COL28A1: variants seen among roughly 807,000 people sequenced by gnomAD.
COL28A1 encodes the protein collagen type XXVIII alpha 1 chain.
In COL28A1, 161 loss-of-function variants were observed where a neutral mutation model predicts 150.2. The ratio of observed to expected loss-of-function variants is 1.07; its 90% CI spans 0.94 to 1.22. The LOEUF (loss-of-function observed/expected upper bound fraction) is 1.22. Ranked by LOEUF, COL28A1 falls within the 50% of genes most tolerant of loss-of-function variation. The pLI, the probability that COL28A1 is intolerant of heterozygous loss-of-function variation, is 0.00. For missense variants in COL28A1, 1,617 were observed against 1,388.3 expected, an observed-to-expected ratio of 1.16 and a Z score of -2.62; for synonymous variants, 552 against 469.7, an observed-to-expected ratio of 1.18 and a Z score of -2.26.
intron 15 of COL28A1, among the ~76,000 whole-genome samples, chr7:7,474,350 T>C (rs1788701394): frequency 1.3e-5 from 2 of 152,002 alleles, no homozygotes; most frequent in Non-Finnish European, 2.9e-5. Context: ...TGTATACTGC[T>C]TGGGTGATGG....
At chr7:7,543,595 G>T in the COL28A1 span, among the ~76,000 whole-genome samples, 2 of 152,078 alleles carry the variant, frequency 1.3e-5, no homozygotes, top group East Asian at 3.9e-4. Context: ...GGGTTGCAAA[G>T]AGAAACACAA....
chr7:7,416,398 A>G (rs1452131765), intron 27 of COL28A1, among the ~76,000 whole-genome samples: 1 of 152,222 alleles, frequency 6.6e-6, no homozygotes, highest in Non-Finnish European at 1.5e-5. Context: ...CCCAGATAAC[A>G]AAGTGGAGAA....
intron 2 of COL28A1, 65 bp downstream of exon 2, chr7:7,532,687 A>C: frequency 1.3e-6 from 2 of 1,554,608 alleles, no homozygotes; most frequent in Admixed American, 3.9e-5. Flanking sequence ...AATGCTATTT[A>C]GAAAAATTCA....
intron 13 of COL28A1, among the ~76,000 whole-genome samples, chr7:7,483,964 T>C: frequency 6.6e-6 from 1 of 152,102 alleles, no homozygotes; most frequent in East Asian, 1.9e-4. Flanking sequence ...TTGTGGGTTA[T>C]AAGTTAGATT....
chr7:7,513,591 A>G (rs1031806304), intron 8 of COL28A1, among the ~76,000 whole-genome samples: 1 of 152,256 alleles, frequency 6.6e-6, no homozygotes, highest in African/African-American at 2.4e-5. Context: ...TTATTTCTGA[A>G]TGCAAATGGA....
the COL28A1 span, among the ~76,000 whole-genome samples, chr7:7,346,717 C>T: frequency 6.6e-6 from 1 of 151,868 alleles, no homozygotes; most frequent in Non-Finnish European, 1.5e-5. Flanking sequence ...ATTTTGGAAA[C>T]TCATTTAAGC....
intron 27 of COL28A1, among the ~76,000 whole-genome samples, chr7:7,393,512 C>G (rs1052247914): frequency 6.6e-6 from 1 of 152,246 alleles, no homozygotes; most frequent in Non-Finnish European, 1.5e-5. Context: ...CTCTTCAAAG[C>G]CAGCAGGCAG....
chr7:7,373,313 C>A lies in COL28A1; in HGVS notation c.2593G>T (p.Val865Leu). 2 of 1,614,174 alleles carry A rather than the reference C, an allele frequency of 1.2e-6. No homozygotes were observed. The highest frequency in any genetic ancestry group is 1.7e-6 in the Non-Finnish European group (2 of 1,180,032). The change falls in exon 32 of 35, where the codon GTG becomes TTG. Residue 865 changes from valine (V) to leucine (L), a missense_variant. Physicochemically the swap from Val to Leu is conservative, Grantham distance 32. Transcript: ENST00000399429. This position sits in a 1 kb window ranked among gnomAD's most constrained non-coding sequence, Gnocchi z 4.1. ...TCCCCCAGATACTGCATGTTGTCCACAGCCAACTTGAAGTCATCCTTGCTG... is the reference window on the plus strand; with the variant it reads ...TCCCCCAGATACTGCATGTTGTCCAAAGCCAACTTGAAGTCATCCTTGCTG... Reference protein sequence around the residue: ...FSSKDDFKLAVDNMQYLGEGT... With the variant: ...FSSKDDFKLALDNMQYLGEGT...
At chr7:7,405,117 G>A (rs148768173) in intron 27 of COL28A1, among the ~76,000 whole-genome samples, 204 of 152,276 alleles carry the variant, frequency 1.3e-3, no homozygotes, top group African/African-American at 4.6e-3. Flanking sequence ...GGATTGACTA[G>A]TGGAGCCAGT....
intron 18 of COL28A1, among the ~76,000 whole-genome samples, chr7:7,446,009 C>T (rs1186724569): frequency 6.6e-6 from 1 of 151,960 alleles, no homozygotes; most frequent in Non-Finnish European, 1.5e-5. Flanking sequence ...CAGGCATGTG[C>T]CACCACACCT....
At chr7:7,431,845 C>T (rs754922172) in intron 25 of COL28A1, among the ~76,000 whole-genome samples, 12 of 152,126 alleles carry the variant, frequency 7.9e-5, no homozygotes, top group Non-Finnish European at 1.5e-4. Flanking sequence ...AAAAAGGAGC[C>T]AGAGTTGAGA....
intron 15 of COL28A1, among the ~76,000 whole-genome samples, chr7:7,472,831 A>T (rs1413967678): frequency 6.6e-6 from 1 of 152,226 alleles, no homozygotes; most frequent in Non-Finnish European, 1.5e-5. Flanking sequence ...AGGCACATAG[A>T]CCAGTGGAAC....
intron 11 of COL28A1, among the ~76,000 whole-genome samples, chr7:7,491,199 G>A (rs561484793): frequency 8.5e-5 from 13 of 152,284 alleles, no homozygotes; most frequent in African/African-American, 2.9e-4. Flanking sequence ...CCTCAGAGGT[G>A]TAGGATGAAT....
intron 27 of COL28A1, among the ~76,000 whole-genome samples, chr7:7,405,171 T>C (rs1000469687): frequency 2.6e-5 from 4 of 152,242 alleles, no homozygotes; most frequent in South Asian, 2.1e-4. Flanking sequence ...TTAAAACTTG[T>C]ATATGAACTA....
At chr7:7,437,103 G>A (rs528145604) in intron 22 of COL28A1, among the ~76,000 whole-genome samples, 29 of 152,194 alleles carry the variant, frequency 1.9e-4, no homozygotes, top group African/African-American at 6.5e-4. Context: ...TATAAATCCT[G>A]GTAGATTCTT....
At chr7:7,350,511 A>G in the COL28A1 span, among the ~76,000 whole-genome samples, 14 of 152,172 alleles carry the variant, frequency 9.2e-5, 1 homozygote, top group Non-Finnish European at 1.9e-4. Context: ...AGTAAAACAC[A>G]TAATACCTCA....
chr7:7,514,833 C>T (rs1429186576), intron 8 of COL28A1, among the ~76,000 whole-genome samples: 5 of 152,150 alleles, frequency 3.3e-5, no homozygotes, highest in Non-Finnish European at 7.4e-5. Context: ...CAACAAAGCC[C>T]GCTACATGAC....
chr7:7,380,571 C>CA (rs1781815898), intron 30 of COL28A1, 89 bp downstream of exon 30: 2 of 1,192,782 alleles, frequency 1.7e-6, no homozygotes, highest in South Asian at 1.3e-5. Context: ...ATTCTGCATC[C>CA]AAAAAATTCA....
At chr7:7,370,606 G>A in intron 33 of COL28A1, 119 bp downstream of exon 33, 1 of 658,516 alleles carries the variant, frequency 1.5e-6, no homozygotes. Flanking sequence ...TAGAGCCAAG[G>A]ACCTAAAAAT....
Sources: allele counts gnomAD v4.1 joint callset (sites outside exome capture counted in the v4.1 genomes callset), GRCh38; gene constraint gnomAD v4.1.1; non-coding constraint Gnocchi (gnomAD v3.1); transcripts MANE v1.5; gene names NCBI Gene and HGNC (gene_info 2026-07-23, HGNC 2026-07-21).